Variants in WWOX observed in about 807,000 individuals in gnomAD.
WWOX encodes the protein WW domain containing oxidoreductase.
WWOX carries 69 observed loss-of-function variants against 46.2 expected under a neutral mutation model. The observed-to-expected ratio is 1.49, with a 90% confidence interval of 1.23 to 1.82. The LOEUF is 1.82. WWOX is among the 40% of genes most tolerant of loss of function. The pLI is 0.00. For synonymous variants in WWOX, 359 were observed against 202.6 expected (o/e 1.77, Z -6.56); for missense variants, 919 against 542.6 (o/e 1.69, Z -6.89).
intron 8 of WWOX, among the ~76,000 whole-genome samples, chr16:78,514,445 T>C (rs2085439779): frequency 6.6e-6 from 1 of 152,184 alleles, no homozygotes; most frequent in African/African-American, 2.4e-5. Context: ...ACATTTTCCA[T>C]GTGTGGAGGT....
intron 5 of WWOX, among the ~76,000 whole-genome samples, chr16:78,356,783 G>C (rs1440757610): frequency 2.0e-5 from 3 of 152,130 alleles, no homozygotes; most frequent in Non-Finnish European, 4.4e-5. Context: ...TCGGGAGGCT[G>C]AGGCAGGAGA....
intron 8 of WWOX, among the ~76,000 whole-genome samples, chr16:79,159,134 C>A (rs766505892): frequency 3.9e-5 from 6 of 152,050 alleles, no homozygotes; most frequent in Non-Finnish European, 8.8e-5. Context: ...GTAAATATGC[C>A]TTAAAAGTGA....
intron 5 of WWOX, among the ~76,000 whole-genome samples, chr16:78,384,177 G>C (rs892346125): frequency 2.6e-5 from 4 of 152,130 alleles, no homozygotes; most frequent in Admixed American, 1.3e-4. Context: ...TGGGGGCTTG[G>C]CTGAGCAGAG....
At chr16:78,868,210 C>T (rs1193379667) in intron 8 of WWOX, among the ~76,000 whole-genome samples, 1 of 152,144 alleles carries the variant, frequency 6.6e-6, no homozygotes, top group Non-Finnish European at 1.5e-5. Context: ...AAGGAACTAA[C>T]TCTGGATACC....
intron 8 of WWOX, among the ~76,000 whole-genome samples, chr16:78,619,950 C>T (rs1024342948): frequency 5.9e-5 from 9 of 152,034 alleles, no homozygotes; most frequent in East Asian, 1.9e-4. Flanking sequence ...GAACCATAGG[C>T]CTTATCTTTA....
chr16:78,125,128 T>G (rs1010498077), intron 4 of WWOX, among the ~76,000 whole-genome samples: 3 of 152,224 alleles, frequency 2.0e-5, no homozygotes, highest in Admixed American at 2.0e-4. Context: ...TATTTATTGA[T>G]TATCATGTTG....
At chr16:78,616,716 A>G (rs2151637732) in intron 8 of WWOX, among the ~76,000 whole-genome samples, 1 of 152,058 alleles carries the variant, frequency 6.6e-6, no homozygotes, top group South Asian at 2.1e-4. Flanking sequence ...CAGTGAGCTG[A>G]GATGGTGCCA....
At chr16:78,434,552 C>T (rs1449935647) in intron 8 of WWOX, among the ~76,000 whole-genome samples, 1 of 152,182 alleles carries the variant, frequency 6.6e-6, no homozygotes, top group East Asian at 1.9e-4. Context: ...TTATTTTCTG[C>T]TGGCCCAGTG....
At chr16:78,307,233 G>A (rs1201725823) in intron 5 of WWOX, among the ~76,000 whole-genome samples, 1 of 152,180 alleles carries the variant, frequency 6.6e-6, no homozygotes, top group Non-Finnish European at 1.5e-5. Context: ...TTCATTGCTA[G>A]CACAATGCCA....
At chr16:78,672,236 C>G (rs1334406976) in intron 8 of WWOX, among the ~76,000 whole-genome samples, 1 of 152,138 alleles carries the variant, frequency 6.6e-6, no homozygotes, top group Non-Finnish European at 1.5e-5. Flanking sequence ...TTTTCCTTTT[C>G]CATGTTCAAG....
intron 8 of WWOX, among the ~76,000 whole-genome samples, chr16:78,664,897 T>G (rs891660878): frequency 2.0e-5 from 3 of 152,230 alleles, no homozygotes; most frequent in Admixed American, 6.5e-5. Flanking sequence ...GAATAGGCAC[T>G]TACAATGTGA....
chr16:78,528,983 T>G (rs947691989), intron 8 of WWOX, among the ~76,000 whole-genome samples: 2 of 151,180 alleles, frequency 1.3e-5, no homozygotes, highest in African/African-American at 2.4e-5. Flanking sequence ...AGGGAGGGTC[T>G]GGCTGTATTG....
chr16:78,801,338 C>G (rs940266453), intron 8 of WWOX, among the ~76,000 whole-genome samples: 2 of 152,084 alleles, frequency 1.3e-5, no homozygotes, highest in African/African-American at 4.8e-5. Flanking sequence ...GGTGAAATCC[C>G]ATCTCTACTA....
Position 78,443,760 on chromosome 16 carries a change from C to G in WWOX, c.1056+11008C>G, listed in dbSNP as rs528229986. Among the ~76,000 whole-genome samples the G allele has an allele frequency of 1.2e-4, 19 of 152,282 alleles. No individual in the cohort carries two copies. The East Asian group carries it at 3.7e-3, about 29-fold the overall frequency. ...TTGGCATTTTGGTAATGTGCTGCCTCTTTATAACTCTTTGTAGCTCTTTTA... is the reference window on the plus strand; with the variant it reads ...TTGGCATTTTGGTAATGTGCTGCCTGTTTATAACTCTTTGTAGCTCTTTTA... On this transcript the variant is annotated intron_variant, in intron 8 of 8. Coordinates refer to ENST00000566780, the MANE Select transcript of WWOX (RefSeq NM_016373.4).
At chr16:78,588,108 C>T (rs756272275) in intron 8 of WWOX, among the ~76,000 whole-genome samples, 5 of 151,950 alleles carry the variant, frequency 3.3e-5, no homozygotes, top group Admixed American at 2.6e-4. Context: ...TTCCTGCTGG[C>T]GGGCCTTGCA....
chr16:78,342,201 C>T (rs1483996227), intron 5 of WWOX, among the ~76,000 whole-genome samples: 1 of 121,472 alleles, frequency 8.2e-6, no homozygotes, highest in African/African-American at 2.8e-5. Flanking sequence ...GGGGACCTTT[C>T]TGGGGTCTTT....
chr16:79,144,042 C>T (rs535551363), intron 8 of WWOX, among the ~76,000 whole-genome samples: 23 of 152,262 alleles, frequency 1.5e-4, no homozygotes, highest in African/African-American at 5.5e-4. Context: ...TGACTACAGG[C>T]ACAGGCCTCC....
chr16:78,735,623 G>A (rs906142915), intron 8 of WWOX, among the ~76,000 whole-genome samples: 6 of 152,200 alleles, frequency 3.9e-5, no homozygotes, highest in Non-Finnish European at 8.8e-5. Context: ...CTGTACATGA[G>A]GAGACAGCAG....
rs543811928 is a variant in WWOX at position 78,613,994 on chromosome 16, T to C, written c.1056+181242T>C. Among the ~76,000 whole-genome samples, 6 of 152,306 alleles carry C rather than the reference T, an allele frequency of 3.9e-5. No individual in the cohort carries two copies. The East Asian group carries it at 7.7e-4, about 20-fold the overall frequency. ...TTTCAGCTACGTTGGCAGAGCTCAG[T>C]AGTCATGACAGTAACCATATGCCCA... On this transcript the variant is annotated intron_variant, in intron 8 of 8. Transcript: ENST00000566780.
Sources: gnomAD v4.1 joint callset for allele counts (sites outside exome capture counted in the v4.1 genomes callset) on GRCh38, gnomAD v4.1.1 for gene constraint, MANE v1.5 for transcripts, NCBI Gene and HGNC (gene_info 2026-07-23, HGNC 2026-07-21) for gene names.